Variants in ROBO2 observed in about 807,000 individuals in gnomAD.
The protein encoded by ROBO2 is roundabout homolog 2.
A neutral mutation model predicts 160.8 loss-of-function variants in ROBO2; 53 were observed. That is an observed-to-expected ratio of 0.33 (90% CI 0.26 to 0.41). ROBO2 has a LOEUF of 0.41. Among genes scored for constraint, ROBO2 ranks in the 10% least tolerant of loss-of-function variants. The pLI, the probability that ROBO2 is intolerant of heterozygous loss-of-function variation, is 1.00. For missense variants in ROBO2, 1,577 were observed against 1,722.4 expected (o/e 0.92, Z 1.49); for synonymous variants, 664 against 611.7 (o/e 1.09, Z -1.26).
chr3:76,998,106 CT>C (rs1187486097), intron 2 of ROBO2, among the ~76,000 whole-genome samples: 6 of 152,148 alleles, frequency 3.9e-5, no homozygotes, highest in Admixed American at 3.3e-4. Context: ...GAATCTATCT[CT>C]TCATGGAAGA....
intron 2 of ROBO2, among the ~76,000 whole-genome samples, chr3:76,332,483 T>A (rs1225796059): frequency 6.6e-6 from 1 of 152,216 alleles, no homozygotes; most frequent in African/African-American, 2.4e-5. Context: ...TTTTCCATCT[T>A]ACAGTTTCAA....
At chr3:76,747,608 T>G (rs1023026174) in intron 2 of ROBO2, among the ~76,000 whole-genome samples, 1 of 151,932 alleles carries the variant, frequency 6.6e-6, no homozygotes, top group African/African-American at 2.4e-5. Flanking sequence ...AAAATATAGT[T>G]AAGAATTTTA....
intron 2 of ROBO2, among the ~76,000 whole-genome samples, chr3:76,707,624 C>T (rs1002388699): frequency 4.6e-5 from 7 of 151,446 alleles, no homozygotes; most frequent in African/African-American, 1.5e-4. Context: ...TTACTAACAC[C>T]TAAATACTAA....
intron 2 of ROBO2, among the ~76,000 whole-genome samples, chr3:76,293,657 G>C (rs566013278): frequency 6.6e-6 from 1 of 152,344 alleles, no homozygotes; most frequent in East Asian, 1.9e-4. Flanking sequence ...GTAGGACATG[G>C]ACATTGGATG....
intron 2 of ROBO2, among the ~76,000 whole-genome samples, chr3:76,969,307 T>C (rs1223884278): frequency 6.6e-6 from 1 of 152,182 alleles, no homozygotes; most frequent in Non-Finnish European, 1.5e-5. Context: ...ACCAGGCCCC[T>C]TTTGTGTGAC....
At chr3:75,997,811 A>T (rs1193486792) in intron 2 of ROBO2, among the ~76,000 whole-genome samples, 1 of 152,140 alleles carries the variant, frequency 6.6e-6, no homozygotes, top group Non-Finnish European at 1.5e-5. Flanking sequence ...CTTTTCACTT[A>T]GTTTATTCAG....
At chr3:76,475,043 C>A (rs1476686989) in intron 2 of ROBO2, among the ~76,000 whole-genome samples, 1 of 151,772 alleles carries the variant, frequency 6.6e-6, no homozygotes, top group African/African-American at 2.4e-5. Context: ...GACAGTTTGC[C>A]CACCAAGATA....
chr3:76,503,300 A>T lies in ROBO2; in HGVS notation c.109+565698A>T, dbSNP rs371657975. On this transcript the variant is annotated intron_variant, in intron 2 of 26. Transcript: ENST00000487694. The stretch of plus-strand genomic sequence containing the variant: ...TTAGCGCCCACCAGAATAACGGTGG[A>T]TCTGCCTTCCCCAGCCCACTGACTC... 2.0e-5 allele frequency among the ~76,000 whole-genome samples: 3 copies of T among 152,076 alleles called. No homozygotes were observed. The South Asian group carries it at 6.2e-4, about 32-fold the overall frequency.
At chr3:76,743,929 C>G (rs2093843242) in intron 2 of ROBO2, among the ~76,000 whole-genome samples, 1 of 152,002 alleles carries the variant, frequency 6.6e-6, no homozygotes, top group Admixed American at 6.6e-5. Flanking sequence ...GGAATGGGGA[C>G]TGAGGAAAGA....
chr3:77,186,183 GT>G (rs199864289), intron 2 of ROBO2, among the ~76,000 whole-genome samples: 58 of 147,738 alleles, frequency 3.9e-4, no homozygotes, highest in Middle Eastern at 6.9e-3. Flanking sequence ...ATGGAAATAA[GT>G]TTTTTTTTTT....
At chr3:77,254,085 C>T (rs539786867) in intron 2 of ROBO2, among the ~76,000 whole-genome samples, 18 of 152,158 alleles carry the variant, frequency 1.2e-4, no homozygotes, top group South Asian at 8.3e-4. Context: ...GGCAACTTAG[C>T]GAGACCCTAT....
At chr3:77,183,283 AC>A (rs1403001469) in intron 2 of ROBO2, among the ~76,000 whole-genome samples, 1 of 152,004 alleles carries the variant, frequency 6.6e-6, no homozygotes, top group Non-Finnish European at 1.5e-5. Context: ...TACCTTCTCA[AC>A]TGGACATATG....
intron 1 of ROBO2, among the ~76,000 whole-genome samples, chr3:77,074,219 T>C (rs1470465214): frequency 6.6e-6 from 1 of 152,206 alleles, no homozygotes; most frequent in Non-Finnish European, 1.5e-5. Context: ...GTGGGTGAGG[T>C]AATGGCACTT....
At chr3:76,503,352 C>T (rs144332974) in intron 2 of ROBO2, among the ~76,000 whole-genome samples, 2 of 152,246 alleles carry the variant, frequency 1.3e-5, no homozygotes, top group Non-Finnish European at 2.9e-5. Flanking sequence ...TGGCAACACC[C>T]ACACTGAAAC....
At chr3:76,508,683 A>G (rs1402113049) in intron 2 of ROBO2, among the ~76,000 whole-genome samples, 1 of 152,200 alleles carries the variant, frequency 6.6e-6, no homozygotes, top group East Asian at 1.9e-4. Context: ...GCTGAAGCAA[A>G]TATAGCTTGC....
Position 75,924,147 on chromosome 3 carries a change from C to A in ROBO2, c.-13-13334C>A, listed in dbSNP as rs1431886360. Among the ~76,000 whole-genome samples the A allele has an allele frequency of 2.0e-5, 3 of 152,066 alleles. No homozygotes were observed. In the East Asian group the frequency reaches 5.8e-4, roughly 29 times the overall value. On this transcript the variant is annotated intron_variant, in intron 1 of 26. Transcript: ENST00000487694. Reference sequence around the variant, plus strand: ...ACTTAGTGTGTAGGTAGAATAATGACCCTTAATAGGATGACCTTTTGAATA... The same window carrying A: ...ACTTAGTGTGTAGGTAGAATAATGAACCTTAATAGGATGACCTTTTGAATA...
chr3:77,183,797 T>A (rs2081028165), intron 2 of ROBO2, among the ~76,000 whole-genome samples: 1 of 152,064 alleles, frequency 6.6e-6, no homozygotes, highest in African/African-American at 2.4e-5. Flanking sequence ...TCATACAGAT[T>A]ACTGTTCCCA....
At chr3:76,407,951 G>A (rs1294867115) in intron 2 of ROBO2, among the ~76,000 whole-genome samples, 1 of 151,616 alleles carries the variant, frequency 6.6e-6, no homozygotes, top group African/African-American at 2.4e-5. Flanking sequence ...TTGTGAGTTT[G>A]TTTTTAAGCT....
chr3:77,602,588 A>G lies in ROBO2; in HGVS notation c.3136+97A>G, dbSNP rs866472598. On this transcript the variant is annotated intron_variant, in intron 20 of 25. Coordinates refer to ENST00000461745, the Ensembl canonical transcript of ROBO2. The stretch of plus-strand genomic sequence containing the variant: ...TTGTTTGACTTAGTGATTCATTACC[A>G]GGTTTACTACCTAAACTAAAAAAAG... 9 of 1,417,930 alleles carry G rather than the reference A, an allele frequency of 6.3e-6. No individual in the cohort carries two copies. In the African/African-American group the frequency reaches 9.9e-5, roughly 16 times the overall value. 87.8% of individuals were successfully genotyped at this position (1,417,930 alleles called of 1,614,324 possible).
Sources: gnomAD v4.1 joint callset for allele counts (sites outside exome capture counted in the v4.1 genomes callset) on GRCh38, gnomAD v4.1.1 for gene constraint, MANE v1.5 for transcripts, NCBI Gene and HGNC (gene_info 2026-07-23, HGNC 2026-07-21) for gene names.